ASIC2: variants seen among roughly 807,000 people sequenced by gnomAD.
ASIC2 encodes the protein acid sensing ion channel subunit 2.
A neutral mutation model predicts 57.3 loss-of-function variants in ASIC2; 25 were observed. The observed-to-expected ratio is 0.44, with a 90% CI of 0.32 to 0.61. The LOEUF is 0.61. Ranked by LOEUF, ASIC2 falls within the 20% of genes least tolerant of loss-of-function variation. The pLI is 0.06. For synonymous variants in ASIC2, 319 were observed against 307.5 expected (o/e 1.04, Z -0.39); for missense variants, 641 against 738.1 (o/e 0.87, Z 1.52).
At chr17:33,259,847 G>A (rs979570759) in intron 1 of ASIC2, among the ~76,000 whole-genome samples, 4 of 152,128 alleles carry the variant, frequency 2.6e-5, no homozygotes, top group Non-Finnish European at 4.4e-5. Context: ...AGAATGCTCT[G>A]GTTTGTGGGT....
chr17:33,791,117 C>A (rs570876152), intron 1 of ASIC2, among the ~76,000 whole-genome samples: 9 of 152,186 alleles, frequency 5.9e-5, no homozygotes, highest in African/African-American at 2.2e-4. Context: ...CAGATTCCAC[C>A]CTTTGGCTGC....
chr17:34,050,355 T>A (rs959562535), intron 1 of ASIC2, among the ~76,000 whole-genome samples: 7 of 152,118 alleles, frequency 4.6e-5, no homozygotes, highest in Non-Finnish European at 1.0e-4. Flanking sequence ...AGGTCTGTTA[T>A]ATGCAGATAC....
At chr17:33,876,794 C>T (rs1055669509) in intron 1 of ASIC2, among the ~76,000 whole-genome samples, 5 of 152,174 alleles carry the variant, frequency 3.3e-5, no homozygotes, top group African/African-American at 1.2e-4. Context: ...TGGGCTTCTG[C>T]AGAACTGATT....
At chr17:34,043,439 T>A (rs1464037345) in intron 1 of ASIC2, among the ~76,000 whole-genome samples, 1 of 152,228 alleles carries the variant, frequency 6.6e-6, no homozygotes, top group African/African-American at 2.4e-5. Context: ...GGTCTAAGGC[T>A]GTGTAGCCAG....
Position 33,535,274 on chromosome 17 carries a change from C to CT in ASIC2, c.556-423208dup, listed in dbSNP as rs1312834562. Among the ~76,000 whole-genome samples the CT allele has an allele frequency of 6.8e-3, 940 of 138,520 alleles. 4 individuals are homozygous for CT. The highest frequency in any genetic ancestry group is 0.019 in the African/African-American group (715 of 37,748). The allele number at this position is 138,520 out of a possible 152,430, so 90.9% of individuals were successfully genotyped here. ...TATGGTGGGAATAAAAATGTCGCTT[C>CT]TTTTTTTTTTTTTTTTGAGATGGAG... is the stretch of plus-strand genomic sequence containing the variant. On this transcript the variant is annotated intron_variant, in intron 1 of 9. Coordinates refer to the ASIC2 transcript ENST00000359872.
At chr17:33,705,006 A>G (rs1908821313) in intron 1 of ASIC2, among the ~76,000 whole-genome samples, 2 of 152,224 alleles carry the variant, frequency 1.3e-5, no homozygotes, top group South Asian at 4.1e-4. Flanking sequence ...TGTAACACAC[A>G]TATGTCTTCC....
At chr17:33,149,497 C>T (rs1388378647) in intron 1 of ASIC2, among the ~76,000 whole-genome samples, 12 of 152,290 alleles carry the variant, frequency 7.9e-5, no homozygotes, top group African/African-American at 2.9e-4. Flanking sequence ...AGTGAAGAGG[C>T]TACGTCAGAT....
At chr17:34,019,860 G>T (rs548110615) in intron 1 of ASIC2, among the ~76,000 whole-genome samples, 9 of 152,308 alleles carry the variant, frequency 5.9e-5, no homozygotes, top group Middle Eastern at 3.4e-3. Flanking sequence ...GCTGCATTCA[G>T]CTCCAAGTTT....
intron 1 of ASIC2, chr17:33,692,188 C>A (rs1301200093): frequency 1.3e-5 from 2 of 152,134 alleles, no homozygotes; most frequent in African/African-American, 2.4e-5. Context: ...ATCAAACCTG[C>A]ACCCCAAAAA....
chr17:33,074,491 C>T (rs979046274), intron 3 of ASIC2, among the ~76,000 whole-genome samples: 1 of 152,132 alleles, frequency 6.6e-6, no homozygotes, highest in Non-Finnish European at 1.5e-5. Context: ...TTCCCGAGCA[C>T]CTGGGGTTCC....
chr17:33,760,398 T>G (rs903483564), intron 1 of ASIC2, among the ~76,000 whole-genome samples: 2 of 152,092 alleles, frequency 1.3e-5, no homozygotes, highest in Non-Finnish European at 2.9e-5. Flanking sequence ...TCAGTCATCT[T>G]TGATGTTTTG....
chr17:33,641,890 C>G (rs1906577177), intron 1 of ASIC2, among the ~76,000 whole-genome samples: 3 of 152,148 alleles, frequency 2.0e-5, no homozygotes, highest in Admixed American at 6.5e-5. Flanking sequence ...TTAACAGGCT[C>G]TATCACCCAG....
At chr17:34,115,421 C>T (rs1047278478) in intron 1 of ASIC2, among the ~76,000 whole-genome samples, 4 of 152,212 alleles carry the variant, frequency 2.6e-5, no homozygotes, top group African/African-American at 9.7e-5. Flanking sequence ...TGCTTGAATT[C>T]TTCCTGGGAC....
At chr17:33,301,534 T>C (rs1214002342) in intron 1 of ASIC2, among the ~76,000 whole-genome samples, 1 of 152,202 alleles carries the variant, frequency 6.6e-6, no homozygotes, top group Non-Finnish European at 1.5e-5. Context: ...AAGTAATGAC[T>C]ATAGTGGTTA....
intron 1 of ASIC2, chr17:34,001,291 G>A (rs1029100032): frequency 6.6e-6 from 1 of 152,502 alleles, no homozygotes; most frequent in African/African-American, 2.4e-5. Flanking sequence ...TGAGGTCCAT[G>A]GGTGGGCTTG....
chr17:33,082,982 G>C (rs569356935), intron 3 of ASIC2, among the ~76,000 whole-genome samples: 2 of 152,202 alleles, frequency 1.3e-5, no homozygotes, highest in African/African-American at 4.8e-5. Context: ...ATGAGCTTTT[G>C]CTTTGATTAG....
At chr17:34,121,757 C>A (rs1224572641) in intron 1 of ASIC2, among the ~76,000 whole-genome samples, 1 of 152,218 alleles carries the variant, frequency 6.6e-6, no homozygotes, top group Admixed American at 6.5e-5. Flanking sequence ...CCCATGCACC[C>A]TTTGCTCCCA....
intron 1 of ASIC2, among the ~76,000 whole-genome samples, chr17:33,120,063 A>T (rs1174537796): frequency 1.3e-5 from 2 of 152,236 alleles, no homozygotes; most frequent in Non-Finnish European, 2.9e-5. Flanking sequence ...GAGAGGCTGC[A>T]TACCTAGCCC....
chr17:33,517,755 C>T (rs1487479539), intron 1 of ASIC2, among the ~76,000 whole-genome samples: 1 of 151,440 alleles, frequency 6.6e-6, no homozygotes, highest in Admixed American at 6.6e-5. Flanking sequence ...TGTTAAATGA[C>T]GAGTTAATGG....
Sources: allele counts gnomAD v4.1 joint callset (sites outside exome capture counted in the v4.1 genomes callset), GRCh38; gene constraint gnomAD v4.1.1; transcripts MANE v1.5; gene names NCBI Gene and HGNC (gene_info 2026-07-23, HGNC 2026-07-21).